UCK2: variants seen among roughly 807,000 people sequenced by gnomAD.
The protein encoded by UCK2 is uridine-cytidine kinase 2.
In UCK2, 6 loss-of-function variants were observed where a neutral mutation model predicts 30.8. The observed-to-expected ratio is 0.19, with a 90% CI of 0.11 to 0.38. The LOEUF is 0.38. Among genes scored for constraint, UCK2 ranks in the 10% least tolerant of loss-of-function variants. The pLI is 1.00. For missense variants in UCK2, 210 were observed against 339.8 expected (o/e 0.62, Z 3.00); for synonymous variants, 125 against 133.6 (o/e 0.94, Z 0.45).
intron 1 of UCK2, among the ~76,000 whole-genome samples, chr1:165,850,168 G>A (rs1294590956): frequency 6.6e-6 from 1 of 152,058 alleles, no homozygotes; most frequent in Non-Finnish European, 1.5e-5. Context: ...TTTTGCTCTT[G>A]TTACCCAGGC....
intron 1 of UCK2, among the ~76,000 whole-genome samples, chr1:165,844,460 C>T (rs1049245440): frequency 6.6e-6 from 1 of 152,190 alleles, no homozygotes; most frequent in Non-Finnish European, 1.5e-5. Flanking sequence ...CTAATATGTT[C>T]CTGACACAGA....
intron 3 of UCK2, chr1:165,894,721 C>T (rs1031688470): frequency 1.3e-5 from 2 of 152,010 alleles, no homozygotes; most frequent in African/African-American, 2.4e-5. Context: ...CCTAGCAGTG[C>T]CTGCCTTAAA....
intron 1 of UCK2, among the ~76,000 whole-genome samples, chr1:165,862,385 G>C (rs1386124254): frequency 6.6e-6 from 1 of 152,148 alleles, no homozygotes; most frequent in Non-Finnish European, 1.5e-5. Flanking sequence ...GCCCACGCTT[G>C]ATGTAGGCAC....
intron 1 of UCK2, among the ~76,000 whole-genome samples, chr1:165,885,566 A>C (rs970089222): frequency 2.6e-5 from 4 of 152,224 alleles, no homozygotes; most frequent in Admixed American, 1.3e-4. Flanking sequence ...GGGACAGAAT[A>C]TATTCTGGAT....
chr1:165,885,218 G>A (rs1655589337), intron 1 of UCK2: 1 of 392,436 alleles, frequency 2.5e-6, no homozygotes, highest in African/African-American at 2.1e-5. Context: ...AAAGAATTGT[G>A]CAGTTGGAGT....
At chr1:165,865,633 C>T (rs1329334497) in intron 1 of UCK2, among the ~76,000 whole-genome samples, 1 of 151,954 alleles carries the variant, frequency 6.6e-6, no homozygotes. Flanking sequence ...AGAGAGCTAC[C>T]GACAGACTGT....
intron 1 of UCK2, 134 bp downstream of exon 1, chr1:165,828,066 C>A: frequency 2.0e-6 from 1 of 510,608 alleles, no homozygotes; most frequent in Non-Finnish European, 2.6e-6. Flanking sequence ...GGCCGCGCTC[C>A]AGCGCCGAGT....
rs533820011 is a variant in UCK2 at position 165,884,438 on chromosome 1, T to C, written c.100-5766T>C. Among the ~76,000 whole-genome samples the C allele has an allele frequency of 2.3e-3, 349 of 152,324 alleles. 3 individuals are homozygous for C. Among genetic ancestry groups the C allele is most frequent in the Non-Finnish European group, 4.3e-3 (292 of 68,024 alleles). On this transcript the variant is annotated intron_variant, in intron 1 of 6. Transcript: ENST00000367879. ...AGCATGGTTATCTGGTCTTCTTCTGTAAGGATGACTGTGAGGTGTGCCAGC... is the reference window on the plus strand; with the variant it reads ...AGCATGGTTATCTGGTCTTCTTCTGCAAGGATGACTGTGAGGTGTGCCAGC...
rs570186558 is a variant in UCK2 at position 165,890,619 on chromosome 1, G to A, written c.259+256G>A. ...CAAAGGTGATTTTGTATGAGCCTGGGACTCAAGATGGGCCAGACATGAGGT... is the reference window on the plus strand; with the variant it reads ...CAAAGGTGATTTTGTATGAGCCTGGAACTCAAGATGGGCCAGACATGAGGT... On this transcript the variant is annotated intron_variant, in intron 2 of 6. Transcript: ENST00000367879. Among the ~76,000 whole-genome samples, 213 of 152,278 alleles carry A rather than the reference G, an allele frequency of 1.4e-3. 1 individual carries two copies. The highest frequency in any genetic ancestry group is 2.3e-3 in the Non-Finnish European group (157 of 68,018).
At chr1:165,881,732 A>C (rs1351097972) in intron 1 of UCK2, among the ~76,000 whole-genome samples, 1 of 152,266 alleles carries the variant, frequency 6.6e-6, no homozygotes, top group East Asian at 1.9e-4. Context: ...ATCATCACTC[A>C]GTTAATTTTG....
intron 1 of UCK2, among the ~76,000 whole-genome samples, chr1:165,845,243 G>C (rs1020280408): frequency 2.6e-5 from 4 of 152,176 alleles, no homozygotes; most frequent in Non-Finnish European, 5.9e-5. Context: ...GGGAGAAATC[G>C]CCATACGTTT....
rs1647810645 is a variant in UCK2, at chr1:165,910,286, T to TCTG, written c.*2464_*2466dup. 1 of 152,262 alleles carries TCTG rather than the reference T, an allele frequency of 6.6e-6. No individual in the cohort carries two copies. Among genetic ancestry groups the TCTG allele is most frequent in the Non-Finnish European group, 1.5e-5 (1 of 68,052 alleles). 9.4% of individuals were successfully genotyped at this position (152,262 alleles called of 1,614,324 possible). A position where few individuals can be genotyped will look rare whatever the true frequency, so the allele number is the denominator to read the frequency against. On this transcript the variant is annotated 3_prime_UTR_variant, in exon 7 of 7. Transcript: ENST00000367879. ...CAATGGTCTTAGTTTTTTAAGAGCC[T>TCTG]CTGGGTCTCTGATTCCATGGAGAGT...
chr1:165,895,763 A>G (rs976359693), intron 3 of UCK2: 1 of 567,114 alleles, frequency 1.8e-6, no homozygotes, highest in Non-Finnish European at 2.2e-6. Context: ...TGTTGAGAGA[A>G]AACTGTGAGT....
chr1:165,872,000 G>A (rs1278710996), intron 1 of UCK2, among the ~76,000 whole-genome samples: 1 of 151,274 alleles, frequency 6.6e-6, no homozygotes, highest in Non-Finnish European at 1.5e-5. Flanking sequence ...CAGAAGAACA[G>A]AAGCCTTTTA....
chr1:165,853,168 G>A (rs1654641194), intron 1 of UCK2, among the ~76,000 whole-genome samples: 1 of 152,174 alleles, frequency 6.6e-6, no homozygotes, highest in Admixed American at 6.5e-5. Context: ...AGTGCTGAGA[G>A]GCCCCACAAA....
intron 1 of UCK2, among the ~76,000 whole-genome samples, chr1:165,840,211 G>A (rs759780894): frequency 6.6e-6 from 1 of 152,252 alleles, no homozygotes; most frequent in Non-Finnish European, 1.5e-5. Flanking sequence ...GAGCCACTGT[G>A]CCCGGCCTGG....
intron 5 of UCK2, among the ~76,000 whole-genome samples, chr1:165,904,726 G>A (rs1571302698): frequency 6.6e-6 from 1 of 152,192 alleles, no homozygotes; most frequent in South Asian, 2.1e-4. Flanking sequence ...GGCTGACACC[G>A]TTGCCTTTCA....
rs1198790077 is a variant in UCK2 at position 165,838,966 on chromosome 1, T to C, written c.99+11034T>C. Among the ~76,000 whole-genome samples, 4 of 152,118 alleles carry C rather than the reference T, an allele frequency of 2.6e-5. No homozygotes were observed. The East Asian group carries it at 7.7e-4, about 29-fold the overall frequency. Reference sequence around the variant, plus strand: ...GGGAGGCTGAGGCAGGAGAATCACTTGAACCAGGGAGGCGGAGATTTCAGT... The same window carrying C: ...GGGAGGCTGAGGCAGGAGAATCACTCGAACCAGGGAGGCGGAGATTTCAGT... On this transcript the variant is annotated intron_variant, in intron 1 of 6. Transcript: ENST00000367879.
At chr1:165,847,087 A>C (rs909108589) in intron 1 of UCK2, among the ~76,000 whole-genome samples, 4 of 152,114 alleles carry the variant, frequency 2.6e-5, no homozygotes, top group African/African-American at 7.2e-5. Context: ...TATATTGTTA[A>C]AAACTTAACA....
Sources: allele counts gnomAD v4.1 joint callset (sites outside exome capture counted in the v4.1 genomes callset), GRCh38; gene constraint gnomAD v4.1.1; transcripts MANE v1.5; gene names NCBI Gene and HGNC (gene_info 2026-07-23, HGNC 2026-07-21).